NAALADL2: variants seen among roughly 807,000 people sequenced by gnomAD.
NAALADL2 encodes N-acetylated alpha-linked acidic dipeptidase like 2.
Under a neutral mutation model 87.2 loss-of-function variants are expected in NAALADL2, and 76 were observed. The observed-to-expected ratio is 0.87, with a 90% CI of 0.72 to 1.05. The LOEUF (loss-of-function observed/expected upper bound fraction) is 1.05. NAALADL2 is among the 50% of genes least tolerant of loss of function. NAALADL2 has a pLI of 0.00. For missense variants in NAALADL2, 1,089 were observed against 945.8 expected, an observed-to-expected ratio of 1.15 and a Z score of -1.99; for synonymous variants, 354 against 331.0, an observed-to-expected ratio of 1.07 and a Z score of -0.75.
At chr3:174,445,032 A>G (rs1272065625) in intron 1 of NAALADL2, among the ~76,000 whole-genome samples, 2 of 147,306 alleles carry the variant, frequency 1.4e-5, no homozygotes, top group African/African-American at 5.0e-5. Flanking sequence ...TTTTTCAGTT[A>G]TTTAGGGACC....
chr3:174,926,262 G>A (rs530447999), intron 1 of NAALADL2, among the ~76,000 whole-genome samples: 2 of 152,298 alleles, frequency 1.3e-5, no homozygotes, highest in South Asian at 2.1e-4. Flanking sequence ...AGGGAGAATG[G>A]AACCAAGTTG....
chr3:175,457,784 A>G (rs1722539963), intron 6 of NAALADL2, among the ~76,000 whole-genome samples: 1 of 149,296 alleles, frequency 6.7e-6, no homozygotes, highest in Non-Finnish European at 1.5e-5. Context: ...CTTTAGGATT[A>G]CAGGCATGAG....
At chr3:174,553,709 A>C (rs1299365660) in intron 2 of NAALADL2, among the ~76,000 whole-genome samples, 1 of 152,172 alleles carries the variant, frequency 6.6e-6, no homozygotes, top group Non-Finnish European at 1.5e-5. Flanking sequence ...CATTAAGAAG[A>C]AAAATTCTTC....
At chr3:175,456,116 G>A in intron 6 of NAALADL2, among the ~76,000 whole-genome samples, 1 of 152,014 alleles carries the variant, frequency 6.6e-6, no homozygotes, top group East Asian at 1.9e-4. Context: ...AGGTGAAAAT[G>A]AAGCTTTGTT....
intron 1 of NAALADL2, among the ~76,000 whole-genome samples, chr3:174,977,428 A>T (rs1460281408): frequency 6.6e-6 from 1 of 152,160 alleles, no homozygotes; most frequent in Non-Finnish European, 1.5e-5. Flanking sequence ...GCCGACCTAG[A>T]TGTGTAACCT....
chr3:175,000,949 A>G (rs985947797), intron 1 of NAALADL2, among the ~76,000 whole-genome samples: 4 of 152,214 alleles, frequency 2.6e-5, no homozygotes, highest in African/African-American at 9.6e-5. Flanking sequence ...ATTGTACTAT[A>G]TCACAGAAAT....
At chr3:175,233,058 A>T (rs1745221386) in intron 2 of NAALADL2, among the ~76,000 whole-genome samples, 1 of 152,238 alleles carries the variant, frequency 6.6e-6, no homozygotes, top group South Asian at 2.1e-4. Context: ...AGAAATAAAT[A>T]TACAAAGTAC....
In NAALADL2 at chr3:174,896,422, A is replaced by G. The variant is rs1035684183; in HGVS notation, c.43+36972A>G. ...AAATAAAAAGGTAATACCATTTACA[A>G]TAGCCACACATAAAGGTAAATACCT... On this transcript the variant is annotated intron_variant, in intron 1 of 13. Transcript: ENST00000454872. 2.8e-4 allele frequency among the ~76,000 whole-genome samples: 43 copies of G among 152,208 alleles called. 1 individual carries two copies. The highest frequency in any genetic ancestry group is 2.7e-3 in the Admixed American group (41 of 15,288).
intron 1 of NAALADL2, among the ~76,000 whole-genome samples, chr3:174,941,693 A>G (rs1295272903): frequency 6.6e-6 from 1 of 152,148 alleles, no homozygotes; most frequent in Non-Finnish European, 1.5e-5. Flanking sequence ...TGTTGGGTGC[A>G]TATATATTTA....
chr3:175,277,224 A>T (rs1753723363), intron 4 of NAALADL2, among the ~76,000 whole-genome samples: 1 of 152,086 alleles, frequency 6.6e-6, no homozygotes, highest in African/African-American at 2.4e-5. Flanking sequence ...TACTAGAAAA[A>T]CTTCTACAGT....
In NAALADL2 at chr3:175,374,579, AAAAAAAG is replaced by A. The variant is rs1481749047; in HGVS notation, c.1090+50258_1090+50264del. Among the ~76,000 whole-genome samples, 493 of 147,892 alleles carry A rather than the reference AAAAAAAG, an allele frequency of 3.3e-3. 10 individuals carry two copies. Among genetic ancestry groups the A allele is most frequent in the African/African-American group, 0.012 (464 of 39,474 alleles). ...AAAAAAAAAAAAAAAAAAAAAAAAA[AAAAAAAG>A]AAAGTTATATAGGCCAGGTGTGGTG... On this transcript the variant is annotated intron_variant, in intron 5 of 13. Transcript: ENST00000454872.
At chr3:175,136,186 T>A (rs1341614691) in intron 2 of NAALADL2, among the ~76,000 whole-genome samples, 1 of 152,098 alleles carries the variant, frequency 6.6e-6, no homozygotes, top group Non-Finnish European at 1.5e-5. Context: ...GGAGACATCA[T>A]TGCAGTGTAA....
At chr3:175,011,543 A>G (rs1749827443) in intron 1 of NAALADL2, among the ~76,000 whole-genome samples, 1 of 152,204 alleles carries the variant, frequency 6.6e-6, no homozygotes, top group Non-Finnish European at 1.5e-5. Flanking sequence ...ATGGTGTTCA[A>G]GTTTGTAGCT....
At position 174,807,847 on chromosome 3, in the gene NAALADL2, T is replaced by A. The variant is rs549328578; in HGVS notation, c.-9+70101T>A. 2.7e-5 allele frequency among the ~76,000 whole-genome samples: 4 copies of A among 150,774 alleles called. No homozygotes were observed. The East Asian group carries it at 7.7e-4, about 29-fold the overall frequency. ...CCTTTATAATCTTAAAAATAATAGT[T>A]TGCTTATCACTATTATTTTCATTGT... On this transcript the variant is annotated intron_variant, in intron 3 of 3. Transcript: ENST00000434257.
intron 3 of NAALADL2, among the ~76,000 whole-genome samples, chr3:174,750,645 G>A (rs1019571874): frequency 1.3e-4 from 20 of 151,994 alleles, no homozygotes; most frequent in African/African-American, 3.9e-4. Flanking sequence ...TGTTGGCCAG[G>A]CTAGTCTCGA....
intron 2 of NAALADL2, among the ~76,000 whole-genome samples, chr3:174,672,498 A>G (rs1374902390): frequency 1.3e-5 from 2 of 152,042 alleles, no homozygotes; most frequent in African/African-American, 2.4e-5. Context: ...ATGTTCTAGC[A>G]AGATAAGTAA....
chr3:174,709,570 A>C (rs556138568), intron 2 of NAALADL2, among the ~76,000 whole-genome samples: 3 of 152,312 alleles, frequency 2.0e-5, no homozygotes, highest in East Asian at 3.9e-4. Flanking sequence ...GAAATAATAC[A>C]GAACATATAG....
At chr3:175,459,587 TA>T (rs1722809218) in intron 6 of NAALADL2, among the ~76,000 whole-genome samples, 1 of 152,104 alleles carries the variant, frequency 6.6e-6, no homozygotes, top group Non-Finnish European at 1.5e-5. Context: ...GTATATATTT[TA>T]TAGTTAAATT....
intron 5 of NAALADL2, among the ~76,000 whole-genome samples, chr3:175,330,398 A>C (rs184787575): frequency 1.3e-5 from 2 of 152,046 alleles, no homozygotes; most frequent in East Asian, 3.9e-4. Flanking sequence ...AGTCATGATC[A>C]CAGTACTTCA....
Sources: gnomAD v4.1 joint callset for allele counts (sites outside exome capture counted in the v4.1 genomes callset) on GRCh38, gnomAD v4.1.1 for gene constraint, MANE v1.5 for transcripts, NCBI Gene and HGNC (gene_info 2026-07-23, HGNC 2026-07-21) for gene names.